Variants in PTPRN2 observed in about 807,000 individuals in gnomAD.
PTPRN2 encodes protein tyrosine phosphatase receptor type N2.
Under a neutral mutation model 118.8 loss-of-function variants are expected in PTPRN2, and 74 were observed. That is an observed-to-expected ratio of 0.62 (90% CI 0.52 to 0.76). PTPRN2 has a LOEUF of 0.76. Among genes scored for constraint, PTPRN2 ranks in the 30% least tolerant of loss-of-function variants. PTPRN2 has a pLI of 0.00. For synonymous variants in PTPRN2, 641 were observed against 608.0 expected (o/e 1.05, Z -0.80); for missense variants, 1,481 against 1,394.4 (o/e 1.06, Z -0.99).
At chr7:158,341,624 A>C (rs1158773031) in intron 2 of PTPRN2, among the ~76,000 whole-genome samples, 3 of 78,222 alleles carry the variant, frequency 3.8e-5, no homozygotes, top group Non-Finnish European at 7.7e-5. Flanking sequence ...CACTCTCACC[A>C]TAAGAGGTAA....
chr7:158,142,160 C>T (rs1255656917), intron 6 of PTPRN2, among the ~76,000 whole-genome samples: 1 of 152,236 alleles, frequency 6.6e-6, no homozygotes, highest in Non-Finnish European at 1.5e-5. Context: ...TGAACAGTCA[C>T]CCACTCCACG....
chr7:158,479,425 G>A (rs547802144), intron 2 of PTPRN2, among the ~76,000 whole-genome samples: 4 of 152,226 alleles, frequency 2.6e-5, no homozygotes, highest in East Asian at 3.9e-4. Context: ...GAACGCTTCC[G>A]TTGGATGAGC....
chr7:157,916,042 T>C (rs1798374874), intron 11 of PTPRN2, among the ~76,000 whole-genome samples: 1 of 152,252 alleles, frequency 6.6e-6, no homozygotes, highest in Non-Finnish European at 1.5e-5. Flanking sequence ...CTAATGATTT[T>C]ATATTATGCT....
Position 158,167,226 on chromosome 7 carries a change from A to G in PTPRN2, c.615T>C (p.Pro205=). 1 of 1,612,928 alleles carries G rather than the reference A, an allele frequency of 6.2e-7. No homozygotes were observed. Residue 205 remains proline (P), a synonymous_variant, in exon 6 of 23, where the codon CCT becomes CCC. Transcript: ENST00000389418. The part of the protein sequence containing the change: ...YVAHTSALTY[P]PGSRTQLRED... ...CGCGGAGCTGGGTCCGGGACCCGGG[A>G]GGGTAGGTCAGCGCAGACGTGTGGG...
chr7:157,571,789 C>G (rs542789087), intron 19 of PTPRN2, among the ~76,000 whole-genome samples: 17 of 152,326 alleles, frequency 1.1e-4, no homozygotes, highest in Admixed American at 5.2e-4. Context: ...CCCGTCCCAC[C>G]CCTGCAGGCT....
rs1554461375 is a variant in PTPRN2 at position 157,827,393 on chromosome 7, C to CACAACACA, written c.1788+71272_1788+71279dup. On this transcript the variant is annotated intron_variant, in intron 12 of 22. Transcript: ENST00000389418. The stretch of plus-strand genomic sequence containing the variant: ...CACAACACAACACAACACAACACAA[C>CACAACACA]ACAACACAACACAACACAGTGTGGG... 2.2e-3 allele frequency among the ~76,000 whole-genome samples: 336 copies of CACAACACA among 152,024 alleles called. 7 individuals carry two copies. The South Asian group carries it at 0.044, about 20-fold the overall frequency.
At chr7:157,761,445 T>G (rs1802124396) in intron 12 of PTPRN2, among the ~76,000 whole-genome samples, 1 of 149,454 alleles carries the variant, frequency 6.7e-6, no homozygotes, top group Admixed American at 6.7e-5. Context: ...AAATAATGCC[T>G]CATATCTACA....
At chr7:157,749,688 CAGGG>C (rs1801325023) in intron 12 of PTPRN2, among the ~76,000 whole-genome samples, 3 of 105,612 alleles carry the variant, frequency 2.8e-5, no homozygotes, top group Non-Finnish European at 5.6e-5. Flanking sequence ...TGCGGGGTGT[CAGGG>C]TGATTCTGAG....
rs1160704051 is a variant in PTPRN2, at chr7:157,814,232, C to G, written c.1788+84441G>C. ...TGACGCCATTTACAACTGCAAACCT[C>G]CCATTTCCTCCCAGGTCCTTAAAGC... On this transcript the variant is annotated intron_variant, in intron 12 of 22. Transcript: ENST00000389418. Among the ~76,000 whole-genome samples, 3 of 152,202 alleles carry G rather than the reference C, an allele frequency of 2.0e-5. No individual in the cohort carries two copies. The East Asian group carries it at 5.8e-4, about 29-fold the overall frequency.
chr7:158,295,732 TG>T (rs1191603695), intron 3 of PTPRN2, among the ~76,000 whole-genome samples: 1 of 123,966 alleles, frequency 8.1e-6, no homozygotes, highest in African/African-American at 3.1e-5. Flanking sequence ...CCACGGTGCC[TG>T]CTGACCCTGC....
intron 2 of PTPRN2, among the ~76,000 whole-genome samples, chr7:158,481,905 TGGAG>T (rs1192052889): frequency 6.6e-6 from 1 of 152,204 alleles, no homozygotes; most frequent in Non-Finnish European, 1.5e-5. Context: ...TTGCGATTCA[TGGAG>T]GGAGGTCAAA....
intron 9 of PTPRN2, among the ~76,000 whole-genome samples, chr7:158,128,182 A>C (rs941822144): frequency 6.6e-6 from 1 of 152,234 alleles, no homozygotes; most frequent in Non-Finnish European, 1.5e-5. Flanking sequence ...GTTAAGGTTT[A>C]AGCTGAAATC....
intron 19 of PTPRN2, among the ~76,000 whole-genome samples, 154 bp downstream of exon 19, chr7:157,576,459 G>A (rs1220571898): frequency 6.6e-6 from 1 of 152,200 alleles, no homozygotes; most frequent in East Asian, 1.9e-4. Context: ...CGTTAACGGA[G>A]TCTTCCCGCC....
rs779409978 is a variant in PTPRN2, at chr7:157,674,770, G to A, written c.2001+7955C>T. Among the ~76,000 whole-genome samples the A allele has an allele frequency of 1.8e-4, 27 of 152,246 alleles. No homozygotes were observed. The highest frequency in any genetic ancestry group is 4.6e-4 in the Admixed American group (7 of 15,294). ...CACGCCTGTGGAGTCCCACCCTGTC[G>A]TGTGCACGAGGCTGTCACCTGGAGA... On this transcript the variant is annotated intron_variant, in intron 13 of 22. Transcript: ENST00000389418. The surrounding 1 kb of genome is among the most constrained non-coding windows in gnomAD (Gnocchi z 4.5).
chr7:158,061,012 A>T (rs541042117), intron 11 of PTPRN2, among the ~76,000 whole-genome samples: 7 of 152,364 alleles, frequency 4.6e-5, no homozygotes, highest in Admixed American at 4.6e-4. Context: ...AATCAGACTG[A>T]CCTTCCACAA....
chr7:158,487,000 T>C (rs1821080343), intron 2 of PTPRN2, among the ~76,000 whole-genome samples: 1 of 152,232 alleles, frequency 6.6e-6, no homozygotes, highest in South Asian at 2.1e-4. Flanking sequence ...CTATCTTTAG[T>C]ACGTCACATG....
rs114515397 is a variant in PTPRN2, at chr7:157,813,357, G to A, written c.1788+85316C>T. Among the ~76,000 whole-genome samples, 704 of 152,280 alleles carry A rather than the reference G, an allele frequency of 4.6e-3. 8 individuals carry two copies. The highest frequency in any genetic ancestry group is 0.016 in the African/African-American group (662 of 41,552). The stretch of plus-strand genomic sequence containing the variant: ...TAGGACAACAAAGACCAAGGACAGC[G>A]GGGAACGGTGGGGAGGGAAGAGGGT... On this transcript the variant is annotated intron_variant, in intron 12 of 22. Transcript: ENST00000389418. This position sits in a 1 kb window ranked among gnomAD's most constrained non-coding sequence, Gnocchi z 4.7.
chr7:158,311,690 G>T (rs1249202064), intron 3 of PTPRN2, among the ~76,000 whole-genome samples: 4 of 152,262 alleles, frequency 2.6e-5, no homozygotes, highest in African/African-American at 9.6e-5. Context: ...AACTGCACCT[G>T]CAAGAAGTGG....
chr7:157,895,889 T>C (rs569388809), intron 12 of PTPRN2, among the ~76,000 whole-genome samples: 1 of 152,112 alleles, frequency 6.6e-6, no homozygotes, highest in African/African-American at 2.4e-5. Flanking sequence ...ATGACCCCCA[T>C]TTGACAACAC....
Sources: gnomAD v4.1 joint callset for allele counts (sites outside exome capture counted in the v4.1 genomes callset) on GRCh38, gnomAD v4.1.1 for gene constraint, Gnocchi (gnomAD v3.1) non-coding constraint, MANE v1.5 for transcripts, NCBI Gene and HGNC (gene_info 2026-07-23, HGNC 2026-07-21) for gene names.